ASIC2: variants seen among roughly 807,000 people sequenced by gnomAD.
ASIC2 encodes the protein acid sensing ion channel subunit 2.
In ASIC2, 25 loss-of-function variants were observed where a neutral mutation model predicts 57.3. That is an observed-to-expected ratio of 0.44 (90% CI 0.32 to 0.61). The LOEUF is 0.61. ASIC2 is among the 20% of genes least tolerant of loss of function. The pLI is 0.06. For synonymous variants in ASIC2, 319 were observed against 307.5 expected, an observed-to-expected ratio of 1.04 and a Z score of -0.39; for missense variants, 641 against 738.1, an observed-to-expected ratio of 0.87 and a Z score of 1.52.
At chr17:33,847,592 C>A (rs914915459) in intron 1 of ASIC2, among the ~76,000 whole-genome samples, 64 of 152,308 alleles carry the variant, frequency 4.2e-4, no homozygotes, top group African/African-American at 1.5e-3. Flanking sequence ...CTACTGTGCT[C>A]TCAGCTTGCA....
chr17:33,827,349 T>TTTTTTTTTA (rs1912957675), intron 1 of ASIC2, among the ~76,000 whole-genome samples: 2 of 138,094 alleles, frequency 1.4e-5, no homozygotes, highest in African/African-American at 5.4e-5. Context: ...TTTTTTTTTT[T>TTTTTTTTTA]GAGACAGAGT....
At chr17:33,166,537 C>G (rs982774978) in intron 1 of ASIC2, among the ~76,000 whole-genome samples, 1 of 152,130 alleles carries the variant, frequency 6.6e-6, no homozygotes, top group Non-Finnish European at 1.5e-5. Context: ...TGAACTCTGC[C>G]CCCTCCCTAA....
chr17:33,151,387 AG>A (rs910764416), intron 1 of ASIC2, among the ~76,000 whole-genome samples: 4 of 151,866 alleles, frequency 2.6e-5, no homozygotes, highest in African/African-American at 9.7e-5. Flanking sequence ...AAAAAAAAAA[AG>A]GTTAAAAAAA....
chr17:33,625,175 CATCTATTATCT>C (rs1057273205), intron 1 of ASIC2, among the ~76,000 whole-genome samples: 3 of 132,514 alleles, frequency 2.3e-5, no homozygotes, highest in Admixed American at 2.2e-4. Flanking sequence ...ATCTATCTAT[CATCTATTATCT>C]ATCTATTATC....
intron 1 of ASIC2, among the ~76,000 whole-genome samples, chr17:33,519,652 C>T (rs549738609): frequency 1.3e-5 from 2 of 152,306 alleles, no homozygotes; most frequent in South Asian, 2.1e-4. Flanking sequence ...GCAGCTTAAT[C>T]ACCACCACTG....
chr17:33,114,367 G>T (rs1290810499), intron 1 of ASIC2, among the ~76,000 whole-genome samples: 1 of 152,242 alleles, frequency 6.6e-6, no homozygotes, highest in Non-Finnish European at 1.5e-5. Flanking sequence ...CACATCCATT[G>T]CAAGGCATTG....
At position 33,043,231 on chromosome 17, in the gene ASIC2, C is replaced by T. The variant is rs116228702; in HGVS notation, c.988-14839G>A. 8.9e-3 allele frequency among the ~76,000 whole-genome samples: 1,353 copies of T among 152,300 alleles called. 24 individuals are homozygous for T. Among genetic ancestry groups the T allele is most frequent in the African/African-American group, 0.03 (1,259 of 41,554 alleles). The stretch of plus-strand genomic sequence containing the variant: ...TGAGCCACCACACTCGGCACATCCC[C>T]GTTTTACTGATGAGCAAACTTCAGT... On this transcript the variant is annotated intron_variant, in intron 3 of 9. Transcript: ENST00000225823.
chr17:33,239,874 T>C (rs1425454164), intron 1 of ASIC2, among the ~76,000 whole-genome samples: 3 of 152,226 alleles, frequency 2.0e-5, no homozygotes, highest in Non-Finnish European at 2.9e-5. Context: ...TGTTCTTAAA[T>C]GTTCCTTCCT....
rs191734864 is a variant in ASIC2, at chr17:33,036,453, C to G, written c.988-8061G>C. On this transcript the variant is annotated intron_variant, in intron 3 of 9. Coordinates refer to ENST00000225823, the MANE Select transcript of ASIC2 (RefSeq NM_183377.2). ...TTATTTAATTAGTTAGTTTTAGAGA[C>G]AGAGTCTTGCTTTATCACCCAGGCT... Among the ~76,000 whole-genome samples, 425 of 152,228 alleles carry G rather than the reference C, an allele frequency of 2.8e-3. 2 individuals carry two copies. Among genetic ancestry groups the G allele is most frequent in the African/African-American group, 9.6e-3 (399 of 41,534 alleles).
At chr17:33,519,074 C>T (rs906995524) in intron 1 of ASIC2, among the ~76,000 whole-genome samples, 3 of 152,180 alleles carry the variant, frequency 2.0e-5, no homozygotes, top group Admixed American at 1.3e-4. Flanking sequence ...CCCGCCTCGG[C>T]CTCCCAAAGT....
chr17:34,132,011 G>A (rs1244433211), intron 1 of ASIC2, among the ~76,000 whole-genome samples: 1 of 152,176 alleles, frequency 6.6e-6, no homozygotes, highest in African/African-American at 2.4e-5. Flanking sequence ...TGGAATTTGA[G>A]ACACCATCTC....
intron 1 of ASIC2, among the ~76,000 whole-genome samples, chr17:33,643,445 G>A (rs1009502170): frequency 6.6e-6 from 1 of 152,108 alleles, no homozygotes; most frequent in Non-Finnish European, 1.5e-5. Flanking sequence ...CCCTTTAGAG[G>A]GTCTTCAATT....
Position 33,228,335 on chromosome 17 carries a change from T to A in ASIC2, c.708+63073A>T, listed in dbSNP as rs182931517. ...GATGGTGAATTTTATGCAACGTAAA[T>A]GTTATCACAATTGAAAAAAAAGAAG... is the stretch of plus-strand genomic sequence containing the variant. On this transcript the variant is annotated intron_variant, in intron 1 of 9. Transcript: ENST00000225823. 6.1e-4 allele frequency among the ~76,000 whole-genome samples: 93 copies of A among 152,196 alleles called. 1 individual carries two copies. The highest frequency in any genetic ancestry group is 8.8e-5 in the Non-Finnish European group (6 of 67,998).
intron 1 of ASIC2, among the ~76,000 whole-genome samples, chr17:33,706,218 T>C (rs1908858522): frequency 6.7e-6 from 1 of 149,116 alleles, no homozygotes; most frequent in Admixed American, 6.7e-5. Context: ...TATATATATA[T>C]ATATATATAT....
intron 1 of ASIC2, among the ~76,000 whole-genome samples, chr17:34,044,836 C>A (rs1167886369): frequency 1.3e-5 from 2 of 152,196 alleles, no homozygotes; most frequent in African/African-American, 4.8e-5. Flanking sequence ...GGCTGCCCCT[C>A]ATCATCTTGG....
At chr17:33,017,508 G>T in intron 8 of ASIC2, 97 bp downstream of exon 8, 2 of 977,426 alleles carry the variant, frequency 2.0e-6, no homozygotes, top group Non-Finnish European at 1.6e-6. Context: ...TCTGCATGGA[G>T]AGAGGCACCG....
At chr17:33,732,361 A>G (rs1909767546) in intron 1 of ASIC2, among the ~76,000 whole-genome samples, 1 of 152,210 alleles carries the variant, frequency 6.6e-6, no homozygotes, top group Non-Finnish European at 1.5e-5. Flanking sequence ...AATGGTGATC[A>G]AAATAGTCAA....
intron 1 of ASIC2, among the ~76,000 whole-genome samples, chr17:33,324,253 T>C (rs1385678956): frequency 2.0e-5 from 3 of 152,162 alleles, no homozygotes; most frequent in African/African-American, 7.2e-5. Flanking sequence ...GCAGTGGATG[T>C]TACTATTTCA....
intron 1 of ASIC2, among the ~76,000 whole-genome samples, chr17:33,302,606 GT>G (rs1299874137): frequency 2.0e-5 from 3 of 152,170 alleles, no homozygotes; most frequent in Admixed American, 2.0e-4. Flanking sequence ...CCACTAAGGG[GT>G]TGTTTACTCT....
Sources: allele counts gnomAD v4.1 joint callset (sites outside exome capture counted in the v4.1 genomes callset), GRCh38; gene constraint gnomAD v4.1.1; transcripts MANE v1.5; gene names NCBI Gene and HGNC (gene_info 2026-07-23, HGNC 2026-07-21).